Variants in ZNF521 observed in about 807,000 individuals in gnomAD.
The protein encoded by ZNF521 is zinc finger protein 521.
Under a neutral mutation model 105.5 loss-of-function variants are expected in ZNF521, and 14 were observed. The observed-to-expected ratio is 0.13, with a 90% CI of 0.09 to 0.21. The LOEUF is 0.21. Ranked by LOEUF, ZNF521 falls within the 10% of genes least tolerant of loss-of-function variation. The probability of loss-of-function intolerance (pLI) is 1.00; values close to 1 mark genes in which losing one functional copy is unlikely to be tolerated. For missense variants in ZNF521, 1,233 were observed against 1,629.7 expected (o/e 0.76, Z 4.19); for synonymous variants, 635 against 606.0 (o/e 1.05, Z -0.70).
chr18:25,201,873 T>C (rs1459982302), intron 4 of ZNF521: 1 of 152,274 alleles, frequency 6.6e-6, no homozygotes, highest in South Asian at 2.1e-4. Context: ...TAATAAAACC[T>C]ACATCTTAGA....
chr18:25,341,020 G>A (rs1358252520), intron 2 of ZNF521, among the ~76,000 whole-genome samples: 1 of 152,186 alleles, frequency 6.6e-6, no homozygotes, highest in African/African-American at 2.4e-5. Context: ...GGGATTTCAT[G>A]TTGATCATCT....
intron 3 of ZNF521, among the ~76,000 whole-genome samples, chr18:25,265,839 G>C (rs1454478686): frequency 6.6e-6 from 1 of 152,128 alleles, no homozygotes; most frequent in East Asian, 1.9e-4. Flanking sequence ...ATACACAATG[G>C]AGTACTATTC....
intron 3 of ZNF521, among the ~76,000 whole-genome samples, chr18:25,319,539 T>C (rs1323513378): frequency 6.7e-6 from 1 of 149,338 alleles, no homozygotes; most frequent in Non-Finnish European, 1.5e-5. Context: ...GAGGTTGCAG[T>C]GAGCAGAGAT....
In ZNF521 at chr18:25,069,366, G is replaced by A. The variant is rs2033157719; in HGVS notation, c.3907-6625C>T. On this transcript the variant is annotated intron_variant, in intron 7 of 7. Transcript: ENST00000361524. ...AGCATCTTAATAAGGTTAACAGGAT[G>A]TGAATGTTAATAAATTAACATTTTC... Among the ~76,000 whole-genome samples the A allele has an allele frequency of 2.6e-5, 4 of 152,190 alleles. No individual in the cohort carries two copies. In the South Asian group the frequency reaches 8.3e-4, roughly 32 times the overall value.
rs1198910272 is a variant in ZNF521 at position 25,120,535 on chromosome 18, A to G, written c.3659-28454T>C. Among the ~76,000 whole-genome samples the G allele has an allele frequency of 1.9e-4, 29 of 151,478 alleles. 1 individual carries two copies. The highest frequency in any genetic ancestry group is 1.5e-5 in the Non-Finnish European group (1 of 67,946). Reference sequence around the variant, plus strand: ...GAAGCAGAGGTTGCATTGAGCTGAGATCCCACCACTGCACTCCAGGCTGGG... The same window carrying G: ...GAAGCAGAGGTTGCATTGAGCTGAGGTCCCACCACTGCACTCCAGGCTGGG... On this transcript the variant is annotated intron_variant, in intron 5 of 7. Coordinates refer to ENST00000361524, the MANE Select transcript of ZNF521 (RefSeq NM_015461.3).
intron 3 of ZNF521, among the ~76,000 whole-genome samples, chr18:25,249,452 G>A (rs1600212745): frequency 6.7e-6 from 1 of 149,724 alleles, no homozygotes; most frequent in South Asian, 2.1e-4. Flanking sequence ...CCACCACGCC[G>A]GGCCTTTACT....
intron 2 of ZNF521, among the ~76,000 whole-genome samples, chr18:25,322,986 G>A (rs115900051): frequency 2.9e-3 from 436 of 152,146 alleles, no homozygotes; most frequent in African/African-American, 9.9e-3. Context: ...GTGGGGGTGC[G>A]GGGAGAGAAA....
At chr18:25,159,349 T>C (rs2035207467) in intron 5 of ZNF521, among the ~76,000 whole-genome samples, 1 of 152,192 alleles carries the variant, frequency 6.6e-6, no homozygotes. Flanking sequence ...AACCCCAGCA[T>C]CCAGGAATAT....
intron 5 of ZNF521, among the ~76,000 whole-genome samples, chr18:25,113,646 G>T (rs1199443841): frequency 6.6e-6 from 1 of 151,990 alleles, no homozygotes; most frequent in African/African-American, 2.4e-5. Context: ...AGGTTTGACA[G>T]AAAAATCAAG....
At chr18:25,348,293 T>C (rs193065195) in intron 2 of ZNF521, among the ~76,000 whole-genome samples, 26 of 152,088 alleles carry the variant, frequency 1.7e-4, no homozygotes, top group Admixed American at 1.7e-3. Flanking sequence ...ACAACACATT[T>C]TGAAAAATTG....
chr18:25,063,469 C>T (rs1005350982), intron 7 of ZNF521, among the ~76,000 whole-genome samples: 2 of 152,150 alleles, frequency 1.3e-5, no homozygotes, highest in Non-Finnish European at 2.9e-5. Flanking sequence ...GGTCCCTGCT[C>T]ATCTATGCTA....
At chr18:25,350,769 G>A (rs1568094579) in intron 2 of ZNF521, 138 bp downstream of exon 2, 1 of 807,454 alleles carries the variant, frequency 1.2e-6, no homozygotes, top group Non-Finnish European at 1.9e-6. Context: ...GGCTCAGCGG[G>A]GAGGGGAGCG....
chr18:25,343,796 C>T (rs1323147236), intron 2 of ZNF521, among the ~76,000 whole-genome samples: 1 of 152,036 alleles, frequency 6.6e-6, no homozygotes, highest in Non-Finnish European at 1.5e-5. Context: ...AGAGATGCTG[C>T]CCCAAAATAA....
At chr18:25,120,708 A>G (rs1403617414) in intron 5 of ZNF521, among the ~76,000 whole-genome samples, 1 of 152,230 alleles carries the variant, frequency 6.6e-6, no homozygotes, top group Admixed American at 6.5e-5. Context: ...ATAGATATAA[A>G]AAAAAGGAAT....
chr18:25,325,617 C>G (rs1384910087), intron 2 of ZNF521, among the ~76,000 whole-genome samples: 1 of 152,164 alleles, frequency 6.6e-6, no homozygotes, highest in African/African-American at 2.4e-5. Context: ...AGGCACCACT[C>G]TCTCTCCCCC....
chr18:25,262,887 G>A (rs1045170379), intron 3 of ZNF521, among the ~76,000 whole-genome samples: 6 of 152,152 alleles, frequency 3.9e-5, no homozygotes, highest in Non-Finnish European at 8.8e-5. Context: ...AGGGGCTGAG[G>A]AATAGAGTGA....
chr18:25,278,641 C>T (rs1398319222), intron 3 of ZNF521, among the ~76,000 whole-genome samples: 1 of 152,208 alleles, frequency 6.6e-6, no homozygotes, highest in Non-Finnish European at 1.5e-5. Flanking sequence ...GGTTGTTTAT[C>T]TTTCAATACT....
At chr18:25,326,251 G>A (rs1341496761) in intron 2 of ZNF521, among the ~76,000 whole-genome samples, 1 of 152,160 alleles carries the variant, frequency 6.6e-6, no homozygotes, top group East Asian at 1.9e-4. Flanking sequence ...AGGATCCCAT[G>A]CCTGATCAAA....
At chr18:25,200,750 T>A (rs945282238) in intron 4 of ZNF521, among the ~76,000 whole-genome samples, 2 of 152,138 alleles carry the variant, frequency 1.3e-5, no homozygotes, top group African/African-American at 4.8e-5. Context: ...CTAGAGTTTA[T>A]CCTATCTAGC....
Sources: allele counts gnomAD v4.1 joint callset (sites outside exome capture counted in the v4.1 genomes callset), GRCh38; gene constraint gnomAD v4.1.1; transcripts MANE v1.5; gene names NCBI Gene and HGNC (gene_info 2026-07-23, HGNC 2026-07-21).